The following ETHE1 variants were observed in gnomAD, a reference collection of about 807,000 sequenced individuals.
ETHE1 encodes the protein persulfide dioxygenase ETHE1, mitochondrial.
A neutral mutation model predicts 25.7 loss-of-function variants in ETHE1; 16 were observed. The observed-to-expected ratio is 0.62, with a 90% CI of 0.42 to 0.95. The LOEUF (loss-of-function observed/expected upper bound fraction) is 0.95. Ranked by LOEUF, ETHE1 falls within the 40% of genes least tolerant of loss-of-function variation. ETHE1 has a pLI of 0.00. For missense variants in ETHE1, 300 were observed against 333.6 expected (o/e 0.90, Z 0.79); for synonymous variants, 139 against 135.9 (o/e 1.02, Z -0.16).
rs1401620197 is a variant in ETHE1, at chr19:43,520,060, A to T, written c.375+6141T>A. 2.6e-5 allele frequency among the ~76,000 whole-genome samples: 4 copies of T among 151,406 alleles called. No individual in the cohort carries two copies. In the East Asian group the frequency reaches 7.8e-4, roughly 29 times the overall value. ...GACCCCCACCCAAAAAAAAAAAAAAAAGAATAGGTCGGACACAGCAGCTCA... is the reference window on the plus strand; with the variant it reads ...GACCCCCACCCAAAAAAAAAAAAAATAGAATAGGTCGGACACAGCAGCTCA... On this transcript the variant is annotated intron_variant, in intron 3 of 6. Transcript: ENST00000292147.
chr19:43,526,946 A>C (rs979614280), intron 1 of ETHE1, 151 bp downstream of exon 1: 3 of 1,515,982 alleles, frequency 2.0e-6, no homozygotes, highest in African/African-American at 2.8e-5. Context: ...CCTTTAAAGG[A>C]CCCAAGAGTC....
intron 3 of ETHE1, among the ~76,000 whole-genome samples, chr19:43,514,763 C>T (rs190181275): frequency 3.3e-5 from 5 of 152,172 alleles, no homozygotes; most frequent in Middle Eastern, 3.4e-3. Flanking sequence ...GGATTACAGG[C>T]GTGAGCCACC....
At chr19:43,524,917 G>C (rs1424652882) in intron 3 of ETHE1, among the ~76,000 whole-genome samples, 2 of 151,922 alleles carry the variant, frequency 1.3e-5, no homozygotes, top group East Asian at 3.9e-4. Flanking sequence ...GGCCAAGGTA[G>C]GAGGATCACT....
intron 5 of ETHE1, 106 bp from the exon 6 acceptor site, chr19:43,508,166 C>A: frequency 6.5e-7 from 1 of 1,533,958 alleles, no homozygotes; most frequent in Admixed American, 2.0e-5. Context: ...AGGGGCTCTT[C>A]CCAGAATATT....
intron 3 of ETHE1, among the ~76,000 whole-genome samples, chr19:43,518,983 G>A (rs1972081388): frequency 7.3e-6 from 1 of 136,440 alleles, no homozygotes; most frequent in South Asian, 2.5e-4. Context: ...TCTGATGGCT[G>A]ATGAAATTTG....
intron 3 of ETHE1, among the ~76,000 whole-genome samples, chr19:43,524,160 G>A (rs1239817942): frequency 6.6e-6 from 1 of 152,084 alleles, no homozygotes; most frequent in Non-Finnish European, 1.5e-5. Flanking sequence ...CTGAGATAGC[G>A]CCATTGCACT....
Position 43,506,854 on chromosome 19 carries a change from G to A in ETHE1, c.761C>T (p.Ala254Val), listed in dbSNP as rs1366031091. The A allele has an allele frequency of 1.2e-6, 2 of 1,613,598 alleles. No homozygotes were observed. The part of the protein sequence containing the change: ...NMRCGVQTPT[A>V] ...GAGCATCTGACAGAAGTGAGATCAG[G>A]CAGTGGGTGTCTGCACCCCACAGCG... The change falls in exon 7 of 7, where the codon GCC becomes GTC. Residue 254 changes from alanine (A) to valine (V), a missense_variant. Physicochemically the swap from Ala to Val is moderately conservative, Grantham distance 64. Transcript: ENST00000292147.
At chr19:43,517,308 G>A (rs1449432970) in intron 3 of ETHE1, among the ~76,000 whole-genome samples, 2 of 11,406 alleles carry the variant, frequency 1.8e-4, no homozygotes, top group African/African-American at 7.8e-4. Flanking sequence ...ACCACTTTAA[G>A]GTAAAGTAGG....
In ETHE1 at chr19:43,508,034, C is replaced by T; in HGVS notation, c.622G>A (p.Glu208Lys). ...GTGAGCCGAGGGTTCAGAGTCCTCT[C>T]CTCCTCCACGGTGGACACTGTGAAC... The part of the protein sequence containing the change: ...HGFTVSTVEE[E>K]RTLNPRLTLS... The change falls in exon 6 of 7, where the codon GAG becomes AAG. Residue 208 changes from glutamate to lysine, a missense_variant. Glu to Lys is a moderately conservative substitution (Grantham distance 56). Transcript: ENST00000292147. The T allele has an allele frequency of 6.2e-7, 1 of 1,614,102 alleles. No individual in the cohort carries two copies. The highest frequency in any genetic ancestry group is 8.5e-7 in the Non-Finnish European group (1 of 1,180,010).
intron 1 of ETHE1, 43 bp from the exon 2 acceptor site, chr19:43,526,702 C>A (rs1972257543): frequency 6.2e-7 from 1 of 1,611,914 alleles, no homozygotes; most frequent in Non-Finnish European, 8.5e-7. Flanking sequence ...ACCGGACTTC[C>A]ACCCACTGGA....
intron 5 of ETHE1, 109 bp downstream of exon 5, chr19:43,508,666 C>T (rs763018028): frequency 1.0e-6 from 1 of 971,768 alleles, no homozygotes; most frequent in Admixed American, 2.0e-5. Flanking sequence ...TTTTTTTGGC[C>T]AGAGAAATTT....
chr19:43,516,636 T>C (rs1972026040), intron 3 of ETHE1, among the ~76,000 whole-genome samples: 1 of 146,228 alleles, frequency 6.8e-6, no homozygotes, highest in South Asian at 2.2e-4. Flanking sequence ...TTTTTTTTTT[T>C]TTTTTGAGAT....
chr19:43,524,149 G>A (rs983290127), intron 3 of ETHE1, among the ~76,000 whole-genome samples: 5 of 151,330 alleles, frequency 3.3e-5, no homozygotes, highest in Admixed American at 6.6e-5. Context: ...GTTGCGCTAA[G>A]CTGAGATAGC....
intron 1 of ETHE1, 106 bp downstream of exon 1, chr19:43,526,991 G>A: frequency 6.5e-7 from 1 of 1,534,016 alleles, no homozygotes; most frequent in Non-Finnish European, 8.7e-7. Flanking sequence ...TCCGCAAGAT[G>A]CAGGCGTGGG....
At chr19:43,526,045 G>GC (rs1217619510) in intron 3 of ETHE1, 156 bp downstream of exon 3, 6 of 1,130,470 alleles carry the variant, frequency 5.3e-6, no homozygotes, top group South Asian at 1.4e-5. Context: ...GGTTTATGGT[G>GC]CCCCCCTCCC....
intron 3 of ETHE1, among the ~76,000 whole-genome samples, chr19:43,517,963 A>G (rs917075042): frequency 6.6e-6 from 1 of 151,544 alleles, no homozygotes; most frequent in Admixed American, 6.6e-5. Context: ...AAAAAAAAAC[A>G]AAAAACAAAA....
chr19:43,521,353 C>T lies in ETHE1; in HGVS notation c.375+4848G>A, dbSNP rs114463805. On this transcript the variant is annotated intron_variant, in intron 3 of 6. Transcript: ENST00000292147. ...AAAAAAAGAATTACTCCTGTTTTGG[C>T]GATCCACTGCCTTGTAGCGTCATCA... Among the ~76,000 whole-genome samples the T allele has an allele frequency of 3.2e-3, 487 of 152,024 alleles. 6 individuals carry two copies. The highest frequency in any genetic ancestry group is 0.01 in the African/African-American group (434 of 41,456).
intron 3 of ETHE1, among the ~76,000 whole-genome samples, chr19:43,519,977 G>T (rs1431929680): frequency 6.6e-6 from 1 of 151,736 alleles, no homozygotes; most frequent in South Asian, 2.1e-4. Flanking sequence ...TACTTGGGAG[G>T]CTGAGGCGGG....
chr19:43,509,521 C>T (rs1278767605), intron 4 of ETHE1, among the ~76,000 whole-genome samples: 1 of 132,782 alleles, frequency 7.5e-6, no homozygotes. Context: ...AAAGGCTGGG[C>T]GCGGTGGCTC....
Sources: allele counts gnomAD v4.1 joint callset (sites outside exome capture counted in the v4.1 genomes callset), GRCh38; gene constraint gnomAD v4.1.1; transcripts MANE v1.5; gene names NCBI Gene and HGNC (gene_info 2026-07-23, HGNC 2026-07-21).